The following KCNT2 variants were observed in gnomAD, a reference collection of about 807,000 sequenced individuals.
The protein encoded by KCNT2 is potassium channel subfamily T member 2.
KCNT2 carries 67 observed loss-of-function variants against 153.8 expected under a neutral mutation model. That is an observed-to-expected ratio of 0.44 (90% CI 0.36 to 0.53). KCNT2 has a LOEUF of 0.53. KCNT2 is among the 20% of genes least tolerant of loss of function. The pLI is 0.00. For missense variants in KCNT2, 975 were observed against 1,354.8 expected (o/e 0.72, Z 4.40); for synonymous variants, 500 against 458.8 (o/e 1.09, Z -1.15).
intron 14 of KCNT2, among the ~76,000 whole-genome samples, chr1:196,365,555 T>C (rs1187313326): frequency 1.3e-5 from 2 of 152,206 alleles, no homozygotes; most frequent in Non-Finnish European, 2.9e-5. Context: ...GTTAAAAACA[T>C]GTTGTCGCTG....
At position 196,492,301 on chromosome 1, in the gene KCNT2, C is replaced by T. The variant is rs1679915725; in HGVS notation, c.136G>A (p.Glu46Lys). The change falls in exon 2 of 28, where the codon GAA becomes AAA. Residue 46 changes from glutamate (E) to lysine (K), a missense_variant. Physicochemically the swap from Glu to Lys is moderately conservative, Grantham distance 56. This residue lies in a region of KCNT2 where 140 missense variants were observed against 216.0 expected (regional missense o/e 0.65). Transcript: ENST00000294725. ...EFYMNENTFKERLKLFFIKNQ... is the reference protein window; with the variant it reads ...EFYMNENTFKKRLKLFFIKNQ... Reference sequence around the variant, plus strand: ...TTTATGAAAAATAATTTTAGTCTTTCTTTAAATGTATTTTCATTCATATAG... The same window carrying T: ...TTTATGAAAAATAATTTTAGTCTTTTTTTAAATGTATTTTCATTCATATAG... 2 of 1,437,564 alleles carry T rather than the reference C, an allele frequency of 1.4e-6. No individual in the cohort carries two copies. The highest frequency in any genetic ancestry group is 1.9e-6 in the Non-Finnish European group (2 of 1,072,542). The allele number at this position is 1,437,564 out of a possible 1,614,324, so 89.1% of individuals were successfully genotyped here.
At chr1:196,273,038 G>T (rs1219036602) in intron 25 of KCNT2, among the ~76,000 whole-genome samples, 1 of 151,776 alleles carries the variant, frequency 6.6e-6, no homozygotes, top group Non-Finnish European at 1.5e-5. Flanking sequence ...AAATAAATCA[G>T]TCTGAAATCT....
intron 1 of KCNT2, among the ~76,000 whole-genome samples, chr1:196,532,760 T>A (rs2148852398): frequency 6.6e-6 from 1 of 152,140 alleles, no homozygotes; most frequent in East Asian, 1.9e-4. Flanking sequence ...GATGCCTAAT[T>A]GATAATGTTC....
intron 25 of KCNT2, among the ~76,000 whole-genome samples, chr1:196,275,414 T>C (rs1378238064): frequency 2.6e-5 from 4 of 151,512 alleles, no homozygotes; most frequent in Non-Finnish European, 5.9e-5. Flanking sequence ...TTCTGCTGTG[T>C]TTGTGTGACT....
At chr1:196,523,200 G>T (rs551640978) in intron 1 of KCNT2, among the ~76,000 whole-genome samples, 1 of 152,274 alleles carries the variant, frequency 6.6e-6, no homozygotes, top group East Asian at 1.9e-4. Flanking sequence ...AAGGTCTGTG[G>T]CTTCACTCCT....
chr1:196,577,529 T>C (rs1269127552), intron 1 of KCNT2, among the ~76,000 whole-genome samples: 1 of 152,172 alleles, frequency 6.6e-6, no homozygotes, highest in African/African-American at 2.4e-5. Flanking sequence ...TCAGTAGATA[T>C]TCTCCCTTAA....
intron 14 of KCNT2, among the ~76,000 whole-genome samples, chr1:196,349,490 T>C (rs1020828393): frequency 4.6e-5 from 7 of 151,982 alleles, no homozygotes; most frequent in African/African-American, 1.7e-4. Context: ...ATGCCTATCT[T>C]ATAGAGACAT....
chr1:196,285,497 C>T (rs1287467259), intron 23 of KCNT2, among the ~76,000 whole-genome samples, 160 bp downstream of exon 23: 1 of 151,986 alleles, frequency 6.6e-6, no homozygotes, highest in African/African-American at 2.4e-5. Flanking sequence ...TTCATAGGAG[C>T]ATTTATGTCA....
intron 26 of KCNT2, among the ~76,000 whole-genome samples, chr1:196,256,315 C>G (rs377149893): frequency 6.6e-6 from 1 of 151,722 alleles, no homozygotes; most frequent in Non-Finnish European, 1.5e-5. Flanking sequence ...AATTTTAAAC[C>G]CTGAAATCAA....
intron 1 of KCNT2, among the ~76,000 whole-genome samples, chr1:196,593,168 T>C (rs1281728303): frequency 6.6e-6 from 1 of 150,910 alleles, no homozygotes; most frequent in African/African-American, 2.4e-5. Flanking sequence ...AGTGAGAACA[T>C]ATGATGTTTC....
chr1:196,508,830 T>C (rs556242842), intron 1 of KCNT2, among the ~76,000 whole-genome samples: 7 of 152,326 alleles, frequency 4.6e-5, no homozygotes, highest in Admixed American at 2.0e-4. Context: ...TTATTATCAG[T>C]GGAGTCAGCT....
intron 5 of KCNT2, among the ~76,000 whole-genome samples, chr1:196,477,106 A>C (rs1238192770): frequency 2.6e-5 from 4 of 151,922 alleles, no homozygotes; most frequent in African/African-American, 4.8e-5. Context: ...TTTTCTTTCT[A>C]TACTTTCTTA....
intron 14 of KCNT2, among the ~76,000 whole-genome samples, chr1:196,368,504 TC>T (rs1668232286): frequency 1.3e-5 from 2 of 152,260 alleles, no homozygotes; most frequent in African/African-American, 4.8e-5. Context: ...TTCTTATCAT[TC>T]CTTAATTTGT....
chr1:196,315,606 T>C (rs895168221), intron 21 of KCNT2, among the ~76,000 whole-genome samples: 7 of 151,686 alleles, frequency 4.6e-5, no homozygotes, highest in South Asian at 2.1e-4. Flanking sequence ...TCAAAACTCA[T>C]GACTACTAGT....
intron 14 of KCNT2, among the ~76,000 whole-genome samples, 192 bp from the exon 15 acceptor site, chr1:196,342,420 C>CTATATATATA (rs71154738): frequency 5.3e-5 from 7 of 132,756 alleles, no homozygotes; most frequent in African/African-American, 1.5e-4. Flanking sequence ...ATTTTGAATA[C>CTATATATATA]TATATATATA....
chr1:196,496,445 G>A (rs1301414718), intron 1 of KCNT2, among the ~76,000 whole-genome samples: 1 of 150,098 alleles, frequency 6.7e-6, no homozygotes, highest in Non-Finnish European at 1.5e-5. Context: ...TCCAGCCTGG[G>A]CGACAGAGCA....
chr1:196,295,607 A>G (rs1660606315), intron 22 of KCNT2, among the ~76,000 whole-genome samples: 1 of 152,036 alleles, frequency 6.6e-6, no homozygotes, highest in South Asian at 2.1e-4. Flanking sequence ...AATAGTCTTC[A>G]TATAAGAATT....
At chr1:196,357,402 G>A (rs1368440964) in intron 14 of KCNT2, among the ~76,000 whole-genome samples, 1 of 151,900 alleles carries the variant, frequency 6.6e-6, no homozygotes, top group African/African-American at 2.4e-5. Flanking sequence ...ATTTCTTGGA[G>A]TTTATGGTTT....
intron 8 of KCNT2, among the ~76,000 whole-genome samples, chr1:196,455,606 A>T (rs893142786): frequency 1.3e-5 from 2 of 151,824 alleles, no homozygotes; most frequent in Non-Finnish European, 2.9e-5. Flanking sequence ...GTTATTCCAC[A>T]TATATCTTCA....
Sources: gnomAD v4.1 joint callset for allele counts (sites outside exome capture counted in the v4.1 genomes callset) on GRCh38, gnomAD v4.1.1 for gene constraint, gnomAD v4.1.1 regional missense constraint, MANE v1.5 for transcripts, NCBI Gene and HGNC (gene_info 2026-07-23, HGNC 2026-07-21) for gene names.